Variants in TDRD5 observed in about 807,000 individuals in gnomAD.
TDRD5 encodes the protein tudor domain containing 5.
In TDRD5, 41 loss-of-function variants were observed where a neutral mutation model predicts 120.6. The observed-to-expected ratio is 0.34, with a 90% CI of 0.26 to 0.44. TDRD5 has a LOEUF of 0.44. Ranked by LOEUF, TDRD5 falls within the 20% of genes least tolerant of loss-of-function variation. The pLI, the probability that TDRD5 is intolerant of heterozygous loss-of-function variation, is 1.00. For synonymous variants in TDRD5, 430 were observed against 433.7 expected (o/e 0.99, Z 0.11); for missense variants, 1,006 against 1,221.2 (o/e 0.82, Z 2.63).
chr1:179,647,244 A>G (rs1678430391), intron 11 of TDRD5, among the ~76,000 whole-genome samples: 1 of 137,072 alleles, frequency 7.3e-6, no homozygotes, highest in African/African-American at 2.6e-5. Context: ...TACTGGTACC[A>G]AAACAGAGAT....
At chr1:179,609,669 C>T (rs1262291944) in intron 4 of TDRD5, among the ~76,000 whole-genome samples, 1 of 152,126 alleles carries the variant, frequency 6.6e-6, no homozygotes, top group Non-Finnish European at 1.5e-5. Flanking sequence ...GCTAATTTAG[C>T]CCCACCACTG....
chr1:179,654,755 G>A lies in TDRD5; in HGVS notation c.2322+393G>A, dbSNP rs369109428. Among the ~76,000 whole-genome samples the A allele has an allele frequency of 1.4e-4, 22 of 152,216 alleles. No homozygotes were observed. In the East Asian group the frequency reaches 4.2e-3, roughly 29 times the overall value. ...TGTACTCCAGCCTGGGTGATAGAGTGAGACTCTGTCTCAAAAAAATAAAGT... is the reference window on the plus strand; with the variant it reads ...TGTACTCCAGCCTGGGTGATAGAGTAAGACTCTGTCTCAAAAAAATAAAGT... On this transcript the variant is annotated intron_variant, in intron 14 of 17. Transcript: ENST00000444136.
chr1:179,677,738 C>T (rs1380173583), intron 17 of TDRD5, among the ~76,000 whole-genome samples: 1 of 152,128 alleles, frequency 6.6e-6, no homozygotes, highest in African/African-American at 2.4e-5. Flanking sequence ...GATACCAGCA[C>T]CTGCTCTGGT....
chr1:179,598,243 C>T (rs1675512280), intron 4 of TDRD5, among the ~76,000 whole-genome samples: 1 of 152,226 alleles, frequency 6.6e-6, no homozygotes, highest in Admixed American at 6.5e-5. Flanking sequence ...CACCATCATA[C>T]AGGTGGTCTA....
In TDRD5 at chr1:179,594,988, C is replaced by T. The variant is rs572779794; in HGVS notation, c.641-640C>T. On this transcript the variant is annotated intron_variant, in intron 3 of 17. Coordinates refer to ENST00000444136, the MANE Select transcript of TDRD5 (RefSeq NM_001199085.3). Reference sequence around the variant, plus strand: ...TTTCCAGTGATTTTGTTCATGTTCTCCATCCATGGTTCCTACTTCTGTCAT... The same window carrying T: ...TTTCCAGTGATTTTGTTCATGTTCTTCATCCATGGTTCCTACTTCTGTCAT... Among the ~76,000 whole-genome samples the T allele has an allele frequency of 3.3e-5, 5 of 152,170 alleles. No individual in the cohort carries two copies. The South Asian group carries it at 1.0e-3, about 32-fold the overall frequency.
chr1:179,661,664 A>T (rs922665542), intron 14 of TDRD5, among the ~76,000 whole-genome samples: 1 of 152,124 alleles, frequency 6.6e-6, no homozygotes, highest in Non-Finnish European at 1.5e-5. Flanking sequence ...GTATCTGGAG[A>T]TCTAAGTCCT....
chr1:179,629,796 A>G (rs758980800), intron 6 of TDRD5, among the ~76,000 whole-genome samples: 12 of 152,196 alleles, frequency 7.9e-5, no homozygotes, highest in Non-Finnish European at 1.8e-4. Flanking sequence ...AATAAATAAC[A>G]TGATAGACGG....
chr1:179,639,759 T>C, intron 9 of TDRD5, 80 bp from the exon 10 acceptor site: 2 of 1,477,622 alleles, frequency 1.4e-6, no homozygotes, highest in Non-Finnish European at 1.8e-6. Flanking sequence ...TGCCAAGACT[T>C]TCTGGCTTGA....
At chr1:179,690,085 C>T (rs1287708776) in intron 17 of TDRD5, among the ~76,000 whole-genome samples, 1 of 152,206 alleles carries the variant, frequency 6.6e-6, no homozygotes, top group Non-Finnish European at 1.5e-5. Flanking sequence ...CAACAAGCCC[C>T]AGTGAGATGA....
In TDRD5 at chr1:179,634,630, G is replaced by C; in HGVS notation, c.1299+1G>C. 1 of 1,606,956 alleles carries C rather than the reference G, an allele frequency of 6.2e-7. No individual in the cohort carries two copies. The highest frequency in any genetic ancestry group is 2.2e-5 in the East Asian group (1 of 44,862). Reference sequence around the variant, plus strand: ...TCTGGTGGTAAAGCCTTTACAGCTGGTGAGTGAGGTTTAAAGACTGTGCAC... The same window carrying C: ...TCTGGTGGTAAAGCCTTTACAGCTGCTGAGTGAGGTTTAAAGACTGTGCAC... On this transcript the variant is annotated splice_donor_variant, in intron 8 of 17. Coordinates refer to ENST00000444136, the MANE Select transcript of TDRD5 (RefSeq NM_001199085.3). LOFTEE classifies it high-confidence loss of function.
chr1:179,608,287 T>G (rs1402480591), intron 4 of TDRD5, among the ~76,000 whole-genome samples: 1 of 152,070 alleles, frequency 6.6e-6, no homozygotes, highest in African/African-American at 2.4e-5. Flanking sequence ...CTGCATGAGA[T>G]TCATTGAGCT....
chr1:179,660,725 A>G (rs978530066), intron 14 of TDRD5, among the ~76,000 whole-genome samples: 24 of 152,148 alleles, frequency 1.6e-4, no homozygotes, highest in African/African-American at 5.5e-4. Context: ...CTTCAAGAAT[A>G]TTCTTTAAAA....
At chr1:179,600,043 G>T (rs1675623509) in intron 4 of TDRD5, among the ~76,000 whole-genome samples, 1 of 152,126 alleles carries the variant, frequency 6.6e-6, no homozygotes, top group African/African-American at 2.4e-5. Flanking sequence ...TTGTAAAACA[G>T]CTTCAGGCAT....
intron 17 of TDRD5, among the ~76,000 whole-genome samples, chr1:179,675,285 T>TA (rs772166890): frequency 0.35 from 44,797 of 128,244 alleles, 8,110 homozygotes; most frequent in Admixed American, 0.44. Flanking sequence ...TTTTTTTTTT[T>TA]TTTTTTTTTT....
intron 14 of TDRD5, among the ~76,000 whole-genome samples, chr1:179,654,729 C>T (rs920171463): frequency 6.6e-6 from 1 of 152,074 alleles, no homozygotes; most frequent in Non-Finnish European, 1.5e-5. Context: ...GATCGTGCCA[C>T]TGTACTCCAG....
chr1:179,610,584 G>C (rs1045730029), intron 4 of TDRD5, among the ~76,000 whole-genome samples: 2 of 152,054 alleles, frequency 1.3e-5, no homozygotes, highest in Non-Finnish European at 2.9e-5. Context: ...TTAGGATTCT[G>C]TGTGGTTATT....
At chr1:179,643,814 G>A (rs1220828235) in intron 11 of TDRD5, among the ~76,000 whole-genome samples, 1 of 152,088 alleles carries the variant, frequency 6.6e-6, no homozygotes, top group Non-Finnish European at 1.5e-5. Flanking sequence ...ACAGTGTGGT[G>A]AAAGAGGTCA....
At chr1:179,690,247 A>G (rs1002078745) in intron 17 of TDRD5, among the ~76,000 whole-genome samples, 2 of 152,126 alleles carry the variant, frequency 1.3e-5, no homozygotes, top group African/African-American at 4.8e-5. Context: ...CTTCTTAGCA[A>G]CCACAGTCTA....
At position 179,654,206 on chromosome 1, in the gene TDRD5, T is replaced by A. The variant is rs1678869910; in HGVS notation, c.2166T>A (p.Asp722Glu). ...SKESELRILQ[D>E]INDEKSLSHL... ...TTCTCTTTCATATCTACTAGCAAGA[T>A]ATTAATGATGAAAAGTCTTTAAGTC... is the stretch of plus-strand genomic sequence containing the variant. The change falls in exon 14 of 18, where the codon GAT (aspartate) becomes GAA (glutamate). Residue 722 changes from aspartate to glutamate, a missense_variant. Asp to Glu is a conservative substitution (Grantham distance 45). Around this residue, in one of 3 missense-constraint regions of TDRD5, gnomAD observed 403 missense variants for 448.1 expected, o/e 0.90. Coordinates refer to ENST00000444136, the MANE Select transcript of TDRD5 (RefSeq NM_001199085.3). 3.9e-6 allele frequency: 6 copies of A among 1,532,648 alleles called. No individual in the cohort carries two copies. The highest frequency in any genetic ancestry group is 5.3e-6 in the Non-Finnish European group (6 of 1,138,620). 94.9% of individuals were successfully genotyped at this position (1,532,648 alleles called of 1,614,324 possible). A position where few individuals can be genotyped will look rare whatever the true frequency, so the allele number is the denominator to read the frequency against.
Sources: gnomAD v4.1 joint callset for allele counts (sites outside exome capture counted in the v4.1 genomes callset) on GRCh38, gnomAD v4.1.1 for gene constraint, gnomAD v4.1.1 regional missense constraint, MANE v1.5 for transcripts, NCBI Gene and HGNC (gene_info 2026-07-23, HGNC 2026-07-21) for gene names.